Variants in GLIS3 observed in about 807,000 individuals in gnomAD.
The protein encoded by GLIS3 is zinc finger protein GLIS3.
A neutral mutation model predicts 78.6 loss-of-function variants in GLIS3; 53 were observed. The ratio of observed to expected loss-of-function variants is 0.67; its 90% confidence interval spans 0.54 to 0.85. The LOEUF is 0.85. GLIS3 is among the 40% of genes least tolerant of loss of function. The probability of loss-of-function intolerance (pLI) is 0.00; values close to 1 mark genes in which losing one functional copy is unlikely to be tolerated. For missense variants in GLIS3, 1,703 were observed against 1,231.1 expected, an observed-to-expected ratio of 1.38 and a Z score of -5.74; for synonymous variants, 684 against 509.9, an observed-to-expected ratio of 1.34 and a Z score of -4.60.
At chr9:4,185,284 A>T (rs1817684494) in intron 2 of GLIS3, among the ~76,000 whole-genome samples, 1 of 152,162 alleles carries the variant, frequency 6.6e-6, no homozygotes. Context: ...GATGTTTTAA[A>T]ATTCATTATT....
At chr9:4,366,379 T>TG in the GLIS3 span, among the ~76,000 whole-genome samples, 11 of 152,020 alleles carry the variant, frequency 7.2e-5, no homozygotes, top group Admixed American at 1.3e-4. Flanking sequence ...AGTTAAAACG[T>TG]GAAAAAAAAC....
intron 8 of GLIS3, among the ~76,000 whole-genome samples, chr9:3,863,100 TA>T (rs1450699268): frequency 1.3e-5 from 2 of 152,130 alleles, no homozygotes; most frequent in East Asian, 1.9e-4. Context: ...ATTTAACATC[TA>T]AAAAAACCCC....
At chr9:4,449,577 T>C in the GLIS3 span, among the ~76,000 whole-genome samples, 5 of 152,170 alleles carry the variant, frequency 3.3e-5, no homozygotes, top group Non-Finnish European at 7.4e-5. Context: ...TAGGGGCCAA[T>C]TGATACCTCA....
chr9:4,053,438 A>T (rs1444753046), intron 4 of GLIS3, among the ~76,000 whole-genome samples: 1 of 151,986 alleles, frequency 6.6e-6, no homozygotes, highest in African/African-American at 2.4e-5. Context: ...CAATCTCTTC[A>T]CAGCACTTTC....
At chr9:4,178,600 C>G (rs755694819) in intron 2 of GLIS3, among the ~76,000 whole-genome samples, 8 of 152,314 alleles carry the variant, frequency 5.3e-5, no homozygotes, top group Middle Eastern at 3.4e-3. Flanking sequence ...ATTCCAAACA[C>G]GCAAGTGCAA....
At chr9:4,080,292 C>T (rs1244346741) in intron 4 of GLIS3, among the ~76,000 whole-genome samples, 1 of 152,168 alleles carries the variant, frequency 6.6e-6, no homozygotes, top group Admixed American at 6.5e-5. Context: ...ACTAGAGACA[C>T]AGAGGTAAGT....
At position 4,227,306 on chromosome 9, in the gene GLIS3, CAAA is replaced by C. The variant is rs35096957; in HGVS notation, c.388+58729_388+58731del. Among the ~76,000 whole-genome samples, 486 of 136,742 alleles carry C rather than the reference CAAA, an allele frequency of 3.6e-3. 1 individual carries two copies. Among genetic ancestry groups the C allele is most frequent in the Non-Finnish European group, 4.6e-3 (290 of 63,474 alleles). The allele number at this position is 136,742 out of a possible 152,430, so 89.7% of individuals were successfully genotyped here. A position where few individuals can be genotyped will look rare whatever the true frequency, so the allele number is the denominator to read the frequency against. The stretch of plus-strand genomic sequence containing the variant: ...ATGGTTCTGGGTCACGTTATGTTAC[CAAA>C]AAAAAAAAAAAAAAAGTAAGTAAGT... On this transcript the variant is annotated intron_variant, in intron 2 of 10. Transcript: ENST00000381971.
the GLIS3 span, among the ~76,000 whole-genome samples, chr9:4,464,465 G>C: frequency 8.3e-4 from 126 of 152,074 alleles, 1 homozygote; most frequent in Middle Eastern, 0.01. Flanking sequence ...CACAATCTCA[G>C]TTCACTGCAA....
At chr9:4,132,057 A>C (rs1276890005) in intron 2 of GLIS3, among the ~76,000 whole-genome samples, 1 of 151,794 alleles carries the variant, frequency 6.6e-6, no homozygotes, top group Non-Finnish European at 1.5e-5. Context: ...TTTTAAAAAA[A>C]AAAAAAAACA....
intron 2 of GLIS3, among the ~76,000 whole-genome samples, chr9:4,178,469 A>T (rs775942948): frequency 1.1e-4 from 16 of 152,172 alleles, no homozygotes; most frequent in Non-Finnish European, 1.8e-4. Context: ...ATACTAGAAA[A>T]ATCTGCAGCT....
At chr9:4,193,662 G>A (rs755491875) in intron 2 of GLIS3, among the ~76,000 whole-genome samples, 2 of 152,236 alleles carry the variant, frequency 1.3e-5, no homozygotes, top group Non-Finnish European at 2.9e-5. Flanking sequence ...TCAAGTTGCT[G>A]TTTTGAATAA....
chr9:4,177,211 T>C (rs1816887806), intron 2 of GLIS3, among the ~76,000 whole-genome samples: 1 of 152,220 alleles, frequency 6.6e-6, no homozygotes, highest in Non-Finnish European at 1.5e-5. Flanking sequence ...GAGTTCAGTT[T>C]TCTCCAAAGG....
At chr9:4,363,191 G>A in the GLIS3 span, among the ~76,000 whole-genome samples, 2 of 152,216 alleles carry the variant, frequency 1.3e-5, no homozygotes. Context: ...GGGAGGCCCA[G>A]GTGGGTGGGT....
upstream of GLIS3, among the ~76,000 whole-genome samples, chr9:4,300,721 G>A (rs1388425504): frequency 6.6e-6 from 1 of 151,698 alleles, no homozygotes; most frequent in South Asian, 2.1e-4. Flanking sequence ...CCTAAGCTCT[G>A]ACTCGCCACC....
At chr9:3,969,052 C>A (rs577544353) in intron 4 of GLIS3, among the ~76,000 whole-genome samples, 12 of 152,130 alleles carry the variant, frequency 7.9e-5, no homozygotes, top group Non-Finnish European at 1.5e-4. Flanking sequence ...ATGACTTGTC[C>A]GTGTTTGAGT....
intron 4 of GLIS3, among the ~76,000 whole-genome samples, chr9:4,082,592 G>C (rs755334229): frequency 2.0e-5 from 3 of 152,154 alleles, no homozygotes; most frequent in Non-Finnish European, 2.9e-5. Flanking sequence ...TCTTCTGACA[G>C]TCCATAATTA....
intron 2 of GLIS3, among the ~76,000 whole-genome samples, chr9:4,263,683 G>T (rs956178606): frequency 6.6e-6 from 1 of 152,342 alleles, no homozygotes; most frequent in Non-Finnish European, 1.5e-5. Flanking sequence ...GTCAAGGTCA[G>T]TAGTGACCTT....
the GLIS3 span, among the ~76,000 whole-genome samples, chr9:4,446,226 T>C: frequency 6.6e-6 from 1 of 152,178 alleles, no homozygotes; most frequent in Non-Finnish European, 1.5e-5. Context: ...AATTAAGCCA[T>C]GAGGGCTTTT....
the GLIS3 span, among the ~76,000 whole-genome samples, chr9:4,394,270 T>G: frequency 6.6e-6 from 1 of 151,666 alleles, no homozygotes; most frequent in African/African-American, 2.4e-5. Context: ...TATCTCATAA[T>G]TTTAAAATTA....
Sources: gnomAD v4.1 joint callset for allele counts (sites outside exome capture counted in the v4.1 genomes callset) on GRCh38, gnomAD v4.1.1 for gene constraint, MANE v1.5 for transcripts, NCBI Gene and HGNC (gene_info 2026-07-23, HGNC 2026-07-21) for gene names.